Variants in AIM2 observed in about 807,000 individuals in gnomAD.
AIM2 encodes the protein interferon-inducible protein AIM2.
A neutral mutation model predicts 27.7 loss-of-function variants in AIM2; 30 were observed. The observed-to-expected ratio is 1.08, with a 90% CI of 0.81 to 1.47. AIM2 has a LOEUF of 1.47. Among genes scored for constraint, AIM2 ranks in the 40% most tolerant of loss-of-function variants. AIM2 has a pLI of 0.00. For missense variants in AIM2, 358 were observed against 411.3 expected (o/e 0.87, Z 1.12); for synonymous variants, 141 against 145.3 (o/e 0.97, Z 0.21).
At chr1:159,109,978 C>A (rs933579310) in intron 1 of AIM2, among the ~76,000 whole-genome samples, 1 of 152,168 alleles carries the variant, frequency 6.6e-6, no homozygotes, top group Non-Finnish European at 1.5e-5. Flanking sequence ...ACTAGTACAA[C>A]CACTATGGAA....
At chr1:159,117,835 C>T (rs1647420285) in intron 1 of AIM2, among the ~76,000 whole-genome samples, 1 of 152,040 alleles carries the variant, frequency 6.6e-6, no homozygotes, top group Non-Finnish European at 1.5e-5. Flanking sequence ...TGCTTTATTA[C>T]AAACAAATTC....
chr1:159,087,741 T>C (rs942284733), intron 1 of AIM2, among the ~76,000 whole-genome samples: 1 of 151,880 alleles, frequency 6.6e-6, no homozygotes, highest in Non-Finnish European at 1.5e-5. Context: ...CCCAGCTAAT[T>C]TTTGTATTTT....
In AIM2 at chr1:159,086,054, T is replaced by G. The variant is rs150163618; in HGVS notation, c.-15-19725A>C. Among the ~76,000 whole-genome samples the G allele has an allele frequency of 6.3e-4, 96 of 152,274 alleles. 1 individual carries two copies. Among genetic ancestry groups the G allele is most frequent in the South Asian group, 4.1e-3 (20 of 4,830 alleles). ...GATTATACCTCAATAAAGCTGGTGGTGGAGTGTGAGGGGAAAGAAGGATAG... is the reference window on the plus strand; with the variant it reads ...GATTATACCTCAATAAAGCTGGTGGGGGAGTGTGAGGGGAAAGAAGGATAG... On this transcript the variant is annotated intron_variant, in intron 1 of 2. Transcript: ENST00000368129.
At chr1:159,111,659 C>G (rs1227409169) in intron 1 of AIM2, among the ~76,000 whole-genome samples, 1 of 151,672 alleles carries the variant, frequency 6.6e-6, no homozygotes, top group Admixed American at 6.6e-5. Flanking sequence ...TGAAAGCAAA[C>G]ATAGAAAAAA....
chr1:159,140,667 G>A (rs892493642), upstream of AIM2, among the ~76,000 whole-genome samples: 5 of 152,246 alleles, frequency 3.3e-5, no homozygotes, highest in South Asian at 8.3e-4. Flanking sequence ...ATAAGCTAGA[G>A]GTAGCAATAT....
chr1:159,078,948 C>G (rs1208118733), upstream of AIM2, among the ~76,000 whole-genome samples: 2 of 152,122 alleles, frequency 1.3e-5, no homozygotes, highest in Non-Finnish European at 2.9e-5. Context: ...CGTGCCAATC[C>G]TATAATTAAA....
chr1:159,061,124 C>T (rs1655820435), downstream of AIM2, among the ~76,000 whole-genome samples: 1 of 152,178 alleles, frequency 6.6e-6, no homozygotes, highest in Non-Finnish European at 1.5e-5. Flanking sequence ...ACATTCCCAC[C>T]AGCAGTGCAC....
At chr1:159,121,506 T>C (rs537712936) in intron 1 of AIM2, among the ~76,000 whole-genome samples, 30 of 152,306 alleles carry the variant, frequency 2.0e-4, no homozygotes, top group South Asian at 1.0e-3. Flanking sequence ...TTTTGGTTCT[T>C]TGTTTACTTA....
At chr1:159,145,582 G>A (rs1570987836) in intron 1 of AIM2, among the ~76,000 whole-genome samples, 1 of 152,066 alleles carries the variant, frequency 6.6e-6, no homozygotes, top group Admixed American at 6.5e-5. Context: ...TCCAAGTCTA[G>A]CCCAGTCAAA....
intron 1 of AIM2, among the ~76,000 whole-genome samples, chr1:159,105,557 C>T (rs374678201): frequency 5.9e-5 from 9 of 152,232 alleles, no homozygotes; most frequent in African/African-American, 2.2e-4. Context: ...TATTGAGTAA[C>T]GGAACATCTT....
chr1:159,146,450 C>T (rs1351420261), intron 1 of AIM2, among the ~76,000 whole-genome samples: 1 of 152,108 alleles, frequency 6.6e-6, no homozygotes, highest in African/African-American at 2.4e-5. Context: ...ATCAATGTCT[C>T]CTTCTTCCTT....
intron 1 of AIM2, among the ~76,000 whole-genome samples, chr1:159,135,387 T>C (rs1385728586): frequency 6.6e-6 from 1 of 152,222 alleles, no homozygotes; most frequent in Admixed American, 6.5e-5. Flanking sequence ...TTTACTCTAA[T>C]ATTTGGAGCC....
At chr1:159,099,130 A>G (rs1378088023) in intron 1 of AIM2, among the ~76,000 whole-genome samples, 1 of 152,150 alleles carries the variant, frequency 6.6e-6, no homozygotes, top group African/African-American at 2.4e-5. Context: ...AGGGTTATTA[A>G]TGCTCAGGAC....
At chr1:159,114,547 C>T (rs905481450) in intron 1 of AIM2, among the ~76,000 whole-genome samples, 2 of 152,122 alleles carry the variant, frequency 1.3e-5, no homozygotes, top group Admixed American at 6.5e-5. Context: ...CAAAACCCTG[C>T]CTCTACAAAA....
chr1:159,141,413 C>A (rs1292926793), upstream of AIM2, among the ~76,000 whole-genome samples: 1 of 152,036 alleles, frequency 6.6e-6, no homozygotes, highest in Non-Finnish European at 1.5e-5. Context: ...GACATCTGAG[C>A]CTCTACTAGA....
At chr1:159,075,548 C>G (rs1185982172) in intron 1 of AIM2, among the ~76,000 whole-genome samples, 1 of 139,014 alleles carries the variant, frequency 7.2e-6, no homozygotes, top group Non-Finnish European at 1.5e-5. Context: ...CACACACACA[C>G]ACACACACAC....
chr1:159,087,890 G>T (rs893709278), intron 1 of AIM2, among the ~76,000 whole-genome samples: 1 of 152,082 alleles, frequency 6.6e-6, no homozygotes, highest in Non-Finnish European at 1.5e-5. Flanking sequence ...TTTTTTAAAT[G>T]TAATAGTGAT....
At chr1:159,112,437 T>C (rs1217700747) in intron 1 of AIM2, among the ~76,000 whole-genome samples, 2 of 152,106 alleles carry the variant, frequency 1.3e-5, no homozygotes, top group African/African-American at 4.8e-5. Context: ...TAAACAAAAA[T>C]TGAGAGACCT....
Position 159,137,150 on chromosome 1 carries a change from C to T in AIM2, c.-16+3281G>A, listed in dbSNP as rs536267854. 3.3e-5 allele frequency among the ~76,000 whole-genome samples: 5 copies of T among 152,330 alleles called. No homozygotes were observed. In the South Asian group the frequency reaches 6.2e-4, roughly 19 times the overall value. ...CATTTAGAAAAGCCTCACCTCCAAG[C>T]CTTATGTCAGTGATTGCCAGTGGCA... On this transcript the variant is annotated intron_variant, in intron 1 of 2. Transcript: ENST00000368129.
Sources: gnomAD v4.1 joint callset for allele counts (sites outside exome capture counted in the v4.1 genomes callset) on GRCh38, gnomAD v4.1.1 for gene constraint, MANE v1.5 for transcripts, NCBI Gene and HGNC (gene_info 2026-07-23, HGNC 2026-07-21) for gene names.